The following HMCN2 variants were observed in gnomAD, a reference collection of about 807,000 sequenced individuals.
The protein encoded by HMCN2 is hemicentin 2.
Under a neutral mutation model 377.5 loss-of-function variants are expected in HMCN2, and 325 were observed. The ratio of observed to expected loss-of-function variants is 0.86; its 90% CI spans 0.79 to 0.94. HMCN2 has a LOEUF of 0.94. Among genes scored for constraint, HMCN2 ranks in the 40% least tolerant of loss-of-function variants. HMCN2 has a pLI of 0.00. For missense variants in HMCN2, 4,543 were observed against 4,725.3 expected, an observed-to-expected ratio of 0.96 and a Z score of 1.13; for synonymous variants, 2,007 against 2,046.8, an observed-to-expected ratio of 0.98 and a Z score of 0.53.
At chr9:130,313,458 A>G (rs1837373302) in intron 15 of HMCN2, among the ~76,000 whole-genome samples, 1 of 152,350 alleles carries the variant, frequency 6.6e-6, no homozygotes, top group African/African-American at 2.4e-5. Flanking sequence ...ATTTGCCTGC[A>G]TTATTTGCCT....
At chr9:130,329,191 C>T (rs1447551039) in intron 22 of HMCN2, among the ~76,000 whole-genome samples, 1 of 152,198 alleles carries the variant, frequency 6.6e-6, no homozygotes, top group African/African-American at 2.4e-5. Flanking sequence ...CCCTGACAGC[C>T]ACTGATCTGC....
At chr9:130,374,850 G>C (rs1021939000) in intron 49 of HMCN2, among the ~76,000 whole-genome samples, 157 bp downstream of exon 49, 1 of 152,208 alleles carries the variant, frequency 6.6e-6, no homozygotes, top group Non-Finnish European at 1.5e-5. Flanking sequence ...TCTATTGACG[G>C]AACATTTATT....
Position 130,352,978 on chromosome 9 carries a change from A to AG in HMCN2, c.4639dup (p.Asp1547GlyfsTer9), listed in dbSNP as rs1248316607. 2 of 1,300,880 alleles carry AG rather than the reference A, an allele frequency of 1.5e-6. No individual in the cohort carries two copies. Among genetic ancestry groups the AG allele is most frequent in the Admixed American group, 4.6e-5 (2 of 43,240 alleles). The allele number at this position is 1,300,880 out of a possible 1,614,324, so 80.6% of individuals were successfully genotyped here. ...GAGACAGGCGAGGTGGCCGTCATGG[A>AG]GGACCACCTAGTGCAGCTCCTGTGT... On this transcript the variant is annotated frameshift_variant, in exon 31 of 98. Coordinates refer to ENST00000683500, the MANE Select transcript of HMCN2 (RefSeq NM_001291815.2). LOFTEE classifies it high-confidence loss of function.
chr9:130,378,256 A>G (rs1320644394), intron 53 of HMCN2, among the ~76,000 whole-genome samples: 2 of 149,434 alleles, frequency 1.3e-5, no homozygotes, highest in African/African-American at 2.5e-5. Flanking sequence ...AAGTGAAGGA[A>G]GGAAAGGAGG....
chr9:130,394,311 C>A lies in HMCN2; in HGVS notation c.10502-74C>A. On this transcript the variant is annotated intron_variant, in intron 68 of 97. Transcript: ENST00000683500. This position sits in a 1 kb window ranked among gnomAD's most constrained non-coding sequence, Gnocchi z 5.1. The stretch of plus-strand genomic sequence containing the variant: ...GTGGGAGCAGAGCCCCTGGACTCAG[C>A]ACAGTGTTTTCAAGTGCGGTGCTGT... 1 of 1,000,008 alleles carries A rather than the reference C, an allele frequency of 1.0e-6. No individual in the cohort carries two copies. The highest frequency in any genetic ancestry group is 1.4e-6 in the Non-Finnish European group (1 of 737,874). 61.9% of individuals were successfully genotyped at this position (1,000,008 alleles called of 1,614,324 possible). A position where few individuals can be genotyped will look rare whatever the true frequency, so the allele number is the denominator to read the frequency against.
chr9:130,368,419 C>G lies in HMCN2; in HGVS notation c.6769C>G (p.Leu2257Val), dbSNP rs1469226476. 1.0e-6 allele frequency: 1 copy of G among 986,090 alleles called. No individual in the cohort carries two copies. 61.1% of individuals were successfully genotyped at this position (986,090 alleles called of 1,614,324 possible). The change falls in exon 44 of 98, where the codon CTG (leucine) becomes GTG (valine). Residue 2257 changes from leucine to valine, a missense_variant. By Grantham distance (32) the Leu-to-Val change is conservative (BLOSUM62 1). This residue lies in a region of HMCN2 where 1,032 missense variants were observed against 1,285.1 expected (regional missense o/e 0.80). Coordinates refer to ENST00000683500, the MANE Select transcript of HMCN2 (RefSeq NM_001291815.2). Reference sequence around the variant, plus strand: ...CGTGGTGGGGAACAGCAGCCAGGACCTGCAGCTGGAGGTGCACGGTGGGTG... The same window carrying G: ...CGTGGTGGGGAACAGCAGCCAGGACGTGCAGCTGGAGGTGCACGGTGGGTG... Reference protein sequence around the residue: ...SNVVGNSSQDLQLEVHVPPQI... With the variant: ...SNVVGNSSQDVQLEVHVPPQI...
At chr9:130,390,553 A>G (rs1842262780) in intron 62 of HMCN2, among the ~76,000 whole-genome samples, 1 of 152,114 alleles carries the variant, frequency 6.6e-6, no homozygotes, top group Admixed American at 6.5e-5. Flanking sequence ...GGGAGGCCTG[A>G]AGGCCGGGAG....
chr9:130,433,103 C>T (rs1362134048), intron 97 of HMCN2: 5 of 462,556 alleles, frequency 1.1e-5, no homozygotes, highest in Non-Finnish European at 1.9e-5. Flanking sequence ...GGCATGGATC[C>T]CGAAAGTCCG....
chr9:130,432,464 G>A lies in HMCN2; in HGVS notation c.14803G>A (p.Gly4935Arg). 1 of 1,550,844 alleles carries A rather than the reference G, an allele frequency of 6.4e-7. No homozygotes were observed. The highest frequency in any genetic ancestry group is 8.7e-7 in the Non-Finnish European group (1 of 1,146,946). The change falls in exon 97 of 98, where the codon GGA (glycine) becomes AGA (arginine). Residue 4935 changes from glycine to arginine, a missense_variant. This residue lies in a region of HMCN2 where 1,155 missense variants were observed against 1,157.7 expected (regional missense o/e 1.00). Transcript: ENST00000683500. Reference protein sequence around the residue: ...NECEEESIECGPGQMCFNTRG... With the variant: ...NECEEESIECRPGQMCFNTRG... The stretch of plus-strand genomic sequence containing the variant: ...GTGCGAGGAGGAGAGCATCGAGTGT[G>A]GACCCGGCCAGATGTGCTTCAACAC...
intron 53 of HMCN2, among the ~76,000 whole-genome samples, chr9:130,378,674 A>G (rs1841533441): frequency 6.6e-6 from 1 of 152,100 alleles, no homozygotes; most frequent in Non-Finnish European, 1.5e-5. Flanking sequence ...TTGCTACACA[A>G]TGCCCATGGA....
intron 54 of HMCN2, 132 bp from the exon 55 acceptor site, chr9:130,382,052 A>G (rs987358218): frequency 1.4e-5 from 3 of 207,636 alleles, no homozygotes; most frequent in Non-Finnish European, 2.5e-5. Context: ...GGACAGGCCG[A>G]TTCTCCTCAT....
intron 22 of HMCN2, among the ~76,000 whole-genome samples, chr9:130,329,439 C>CTTT (rs869081836): frequency 1.7e-4 from 18 of 105,810 alleles, no homozygotes; most frequent in East Asian, 2.5e-4. Context: ...AATAGCCTCA[C>CTTT]TTTTTTTTTT....
rs781376321 is a variant in HMCN2, at chr9:130,354,804, G to A, written c.4906G>A (p.Val1636Met). The A allele has an allele frequency of 2.3e-6, 3 of 1,304,028 alleles. No individual in the cohort carries two copies. The South Asian group carries it at 3.7e-5, about 16-fold the overall frequency. The allele number at this position is 1,304,028 out of a possible 1,614,324, so 80.8% of individuals were successfully genotyped here. Reference protein sequence around the residue: ...IEGAGGRPYVVKAVAGRPVAL... With the variant: ...IEGAGGRPYVMKAVAGRPVAL... Reference sequence around the variant, plus strand: ...GGGCGCCGGTGGAAGACCATACGTGGTGAAGGCTGTGGCTGGGAGGCCTGT... The same window carrying A: ...GGGCGCCGGTGGAAGACCATACGTGATGAAGGCTGTGGCTGGGAGGCCTGT... Residue 1636 changes from valine (V) to methionine (M), a missense_variant, in exon 32 of 98, where the codon GTG becomes ATG. Transcript: ENST00000683500.
chr9:130,304,770 G>GT lies in HMCN2; in HGVS notation c.1585dup (p.Ser529PhefsTer41), dbSNP rs1554935946. On this transcript the variant is annotated frameshift_variant, in exon 11 of 98. Transcript: ENST00000683500. LOFTEE classifies it high-confidence loss of function. The surrounding 1 kb of genome is among the most constrained non-coding windows in gnomAD (Gnocchi z 4.3). ...TGGTCCCTGCTCCCAACGTGACCGT[G>GT]TCCCCAGGGGAGACTGCCGTCCTAT... 1 of 470,430 alleles carries GT rather than the reference G, an allele frequency of 2.1e-6. No individual in the cohort carries two copies. Among genetic ancestry groups the GT allele is most frequent in the East Asian group, 7.0e-5 (1 of 14,372 alleles). 29.1% of individuals were successfully genotyped at this position (470,430 alleles called of 1,614,324 possible). A position where few individuals can be genotyped will look rare whatever the true frequency, so the allele number is the denominator to read the frequency against.
At position 130,351,892 on chromosome 9, in the gene HMCN2, A is replaced by G. The variant is rs138382187; in HGVS notation, c.4585+315A>G. ...AGTGGCACCATCTTGGCTCACTGCAACCTCCCCCTCCCAGATTCAAGTGAT... is the reference window on the plus strand; with the variant it reads ...AGTGGCACCATCTTGGCTCACTGCAGCCTCCCCCTCCCAGATTCAAGTGAT... On this transcript the variant is annotated intron_variant, in intron 30 of 97. Coordinates refer to ENST00000683500, the MANE Select transcript of HMCN2 (RefSeq NM_001291815.2). This position sits in a 1 kb window ranked among gnomAD's most constrained non-coding sequence, Gnocchi z 5.4. Among the ~76,000 whole-genome samples, 4,898 of 150,890 alleles carry G rather than the reference A, an allele frequency of 0.032. 93 individuals are homozygous for G. Among genetic ancestry groups the G allele is most frequent in the Middle Eastern group, 0.068 (20 of 294 alleles).
Position 130,405,066 on chromosome 9 carries a change from C to A in HMCN2, c.12339+7C>A. ...GCTGGTGAAGAACTTGGAGGTGAGG[C>A]ACTGCCCCAAGGGGCACAGCAGGGA... is the stretch of plus-strand genomic sequence containing the variant. On this transcript the variant is annotated splice_region_variant and intron_variant, in intron 81 of 97. Transcript: ENST00000683500. 2 of 1,281,138 alleles carry A rather than the reference C, an allele frequency of 1.6e-6. No homozygotes were observed. Among genetic ancestry groups the A allele is most frequent in the Non-Finnish European group, 2.0e-6 (2 of 984,800 alleles). The allele number at this position is 1,281,138 out of a possible 1,614,324, so 79.4% of individuals were successfully genotyped here.
intron 22 of HMCN2, among the ~76,000 whole-genome samples, chr9:130,336,106 A>T (rs2131456907): frequency 6.6e-6 from 1 of 152,162 alleles, no homozygotes; most frequent in East Asian, 1.9e-4. Flanking sequence ...TGAGTGAGTG[A>T]GAGAGAGAGA....
At chr9:130,327,992 G>C (rs1032934897) in intron 22 of HMCN2, among the ~76,000 whole-genome samples, 1 of 152,186 alleles carries the variant, frequency 6.6e-6, no homozygotes, top group African/African-American at 2.4e-5. Flanking sequence ...AAGCCACGCC[G>C]TACCCCCCAG....
intron 96 of HMCN2, 70 bp from the exon 97 acceptor site, chr9:130,432,359 C>T (rs761742216): frequency 2.3e-5 from 34 of 1,454,854 alleles, no homozygotes; most frequent in African/African-American, 9.8e-5. Context: ...CTTCTCCCCA[C>T]GCACTCCCCC....
Sources: allele counts gnomAD v4.1 joint callset (sites outside exome capture counted in the v4.1 genomes callset), GRCh38; gene constraint gnomAD v4.1.1; regional missense constraint gnomAD v4.1.1; non-coding constraint Gnocchi (gnomAD v3.1); transcripts MANE v1.5; gene names NCBI Gene and HGNC (gene_info 2026-07-23, HGNC 2026-07-21).